ANK3: variants seen among roughly 807,000 people sequenced by gnomAD.
ANK3 encodes ankyrin 3.
ANK3 carries 57 observed loss-of-function variants against 370.9 expected under a neutral mutation model. The ratio of observed to expected loss-of-function variants is 0.15; its 90% CI spans 0.12 to 0.19. ANK3 has a LOEUF of 0.19. Among genes scored for constraint, ANK3 ranks in the 10% least tolerant of loss-of-function variants. ANK3 has a pLI of 1.00. For missense variants in ANK3, 4,439 were observed against 5,302.1 expected (o/e 0.84, Z 5.06); for synonymous variants, 1,929 against 1,946.3 (o/e 0.99, Z 0.23).
chr10:60,549,387 G>T (rs894587199), intron 2 of ANK3, among the ~76,000 whole-genome samples: 1 of 152,110 alleles, frequency 6.6e-6, no homozygotes, highest in African/African-American at 2.4e-5. Context: ...ACTTACTGCA[G>T]TTTAATATTT....
intron 2 of ANK3, among the ~76,000 whole-genome samples, chr10:60,431,983 C>T (rs540187529): frequency 6.6e-6 from 1 of 152,270 alleles, no homozygotes; most frequent in South Asian, 2.1e-4. Flanking sequence ...CTACCTATCT[C>T]ATGAAATGAA....
chr10:60,201,494 A>G (rs1211008804), intron 12 of ANK3, among the ~76,000 whole-genome samples: 1 of 152,198 alleles, frequency 6.6e-6, no homozygotes, highest in Non-Finnish European at 1.5e-5. Context: ...TTGAAATTCT[A>G]TAAAACAATG....
At chr10:60,523,092 T>C (rs10443927) in intron 2 of ANK3, among the ~76,000 whole-genome samples, 147,760 of 152,164 alleles carry the variant, frequency 0.97, 71,895 homozygotes, top group South Asian at 1. Flanking sequence ...ATTAAAAAGA[T>C]ATCAAGTAAT....
chr10:60,485,379 G>A (rs187581158), intron 2 of ANK3, among the ~76,000 whole-genome samples: 3 of 152,294 alleles, frequency 2.0e-5, no homozygotes, highest in Non-Finnish European at 2.9e-5. Flanking sequence ...TTTTCTCATC[G>A]GATGTGAATG....
chr10:60,250,645 A>G (rs10994282), intron 7 of ANK3, among the ~76,000 whole-genome samples: 24,747 of 152,144 alleles, frequency 0.16, 2,369 homozygotes, highest in East Asian at 0.33. Flanking sequence ...GATTACGGGC[A>G]TGAGCCACCG....
intron 2 of ANK3, among the ~76,000 whole-genome samples, chr10:60,430,152 T>C (rs2063982997): frequency 6.6e-6 from 1 of 152,200 alleles, no homozygotes; most frequent in Admixed American, 6.5e-5. Flanking sequence ...GAACAATGCA[T>C]TTAACTAGCA....
intron 1 of ANK3, among the ~76,000 whole-genome samples, chr10:60,334,586 A>C (rs2052329248): frequency 1.3e-5 from 2 of 152,162 alleles, no homozygotes; most frequent in South Asian, 4.1e-4. Flanking sequence ...CCTTGACTCC[A>C]GGAGGTTTAA....
chr10:60,051,447 G>A, intron 42 of ANK3: 1 of 959,714 alleles, frequency 1.0e-6, no homozygotes, highest in South Asian at 4.8e-5. Context: ...GTAGAGCAAT[G>A]CCACATAATG....
intron 2 of ANK3, among the ~76,000 whole-genome samples, chr10:60,515,247 C>T (rs1039288272): frequency 3.3e-5 from 5 of 152,050 alleles, no homozygotes; most frequent in African/African-American, 1.2e-4. Context: ...AAATACTTCC[C>T]AGTGTTCTTA....
At chr10:60,521,176 T>C (rs1641703992) in intron 2 of ANK3, among the ~76,000 whole-genome samples, 1 of 152,120 alleles carries the variant, frequency 6.6e-6, no homozygotes, top group Admixed American at 6.6e-5. Flanking sequence ...TTATTTCTCT[T>C]CTTTGTAGAA....
intron 24 of ANK3, among the ~76,000 whole-genome samples, chr10:60,137,666 T>C (rs749840450): frequency 1.6e-4 from 24 of 152,040 alleles, no homozygotes; most frequent in Non-Finnish European, 3.2e-4. Flanking sequence ...GTGAAAGCCT[T>C]GGAATTATAT....
At chr10:60,482,031 T>C (rs1360956187) in intron 2 of ANK3, among the ~76,000 whole-genome samples, 3 of 152,220 alleles carry the variant, frequency 2.0e-5, no homozygotes, top group Non-Finnish European at 4.4e-5. Flanking sequence ...TTAGAGTTCC[T>C]GGCACTGCTC....
At chr10:60,441,573 C>T (rs934707745) in intron 2 of ANK3, among the ~76,000 whole-genome samples, 1 of 152,074 alleles carries the variant, frequency 6.6e-6, no homozygotes, top group Non-Finnish European at 1.5e-5. Context: ...GCTGGAATTC[C>T]TATTAAAATC....
intron 1 of ANK3, chr10:60,684,951 A>T: frequency 6.5e-7 from 1 of 1,536,068 alleles, no homozygotes; most frequent in Non-Finnish European, 8.9e-7. Flanking sequence ...GAATTGAGAA[A>T]TTGTTAGCAA....
intron 2 of ANK3, among the ~76,000 whole-genome samples, chr10:60,491,404 C>A (rs186049787): frequency 2.1e-4 from 32 of 152,328 alleles, no homozygotes; most frequent in Non-Finnish European, 3.7e-4. Context: ...ATAGCTCAAT[C>A]AAAAACCGTG....
At chr10:60,458,619 CT>C (rs1423524436) in intron 2 of ANK3, among the ~76,000 whole-genome samples, 1 of 152,066 alleles carries the variant, frequency 6.6e-6, no homozygotes, top group African/African-American at 2.4e-5. Flanking sequence ...GTTACTTTTT[CT>C]TGTGAACTTG....
At chr10:60,092,140 A>AG (rs1408814529) in intron 28 of ANK3, among the ~76,000 whole-genome samples, 7 of 152,202 alleles carry the variant, frequency 4.6e-5, no homozygotes, top group Non-Finnish European at 4.4e-5. Context: ...AGAAGAGGGT[A>AG]GGGAACAGGG....
chr10:60,415,420 T>C (rs530719552), intron 2 of ANK3, among the ~76,000 whole-genome samples: 1 of 152,152 alleles, frequency 6.6e-6, no homozygotes, highest in Admixed American at 6.5e-5. Flanking sequence ...CGGGAACTAC[T>C]GCCAGATGAC....
chr10:60,367,469 C>T (rs1014307277), intron 1 of ANK3, among the ~76,000 whole-genome samples: 44 of 152,300 alleles, frequency 2.9e-4, no homozygotes, highest in African/African-American at 1.1e-3. Flanking sequence ...GAAATGAATT[C>T]TTCCTCTAGC....
Sources: gnomAD v4.1 joint callset for allele counts (sites outside exome capture counted in the v4.1 genomes callset) on GRCh38, gnomAD v4.1.1 for gene constraint, MANE v1.5 for transcripts, NCBI Gene and HGNC (gene_info 2026-07-23, HGNC 2026-07-21) for gene names.